The following CAB39L variants were observed in gnomAD, a reference collection of about 807,000 sequenced individuals.
CAB39L encodes the protein calcium binding protein 39 like, also known as calcium-binding protein 39-like.
A neutral mutation model predicts 39.1 loss-of-function variants in CAB39L; 23 were observed. That is an observed-to-expected ratio of 0.59 (90% confidence interval 0.42 to 0.83). The LOEUF (loss-of-function observed/expected upper bound fraction) is 0.83. Ranked by LOEUF, CAB39L falls within the 40% of genes least tolerant of loss-of-function variation. The pLI, the probability that CAB39L is intolerant of heterozygous loss-of-function variation, is 0.00. For synonymous variants in CAB39L, 126 were observed against 137.2 expected (o/e 0.92, Z 0.57); for missense variants, 366 against 391.9 (o/e 0.93, Z 0.56).
chr13:49,387,735 G>A lies in CAB39L; in HGVS notation c.-31-4794C>T, dbSNP rs542513708. Among the ~76,000 whole-genome samples the A allele has an allele frequency of 4.6e-5, 7 of 152,188 alleles. No homozygotes were observed. The South Asian group carries it at 1.5e-3, about 32-fold the overall frequency. Reference sequence around the variant, plus strand: ...AACAGATATAAATTTAAGAAAAGAAGAAAAGGAGACAAAAAGCTCTTTTAG... The same window carrying A: ...AACAGATATAAATTTAAGAAAAGAAAAAAAGGAGACAAAAAGCTCTTTTAG... On this transcript the variant is annotated intron_variant, in intron 3 of 10. Coordinates refer to ENST00000409308, the MANE Select transcript of CAB39L (RefSeq NM_001079670.3).
At chr13:49,344,051 G>C in intron 8 of CAB39L, 128 bp downstream of exon 8, 1 of 670,172 alleles carries the variant, frequency 1.5e-6, no homozygotes, top group Non-Finnish European at 2.7e-6. Context: ...TTTCCAGGTA[G>C]ACAAATCAGG....
intron 5 of CAB39L, among the ~76,000 whole-genome samples, chr13:49,361,133 T>C (rs781234498): frequency 5.3e-5 from 8 of 152,092 alleles, no homozygotes; most frequent in African/African-American, 1.9e-4. Flanking sequence ...AATATGACCA[T>C]GCCATCTCTC....
intron 8 of CAB39L, among the ~76,000 whole-genome samples, chr13:49,341,254 C>CCTTTTCT (rs1954995810): frequency 6.6e-6 from 1 of 151,416 alleles, no homozygotes. Flanking sequence ...TTTTCTTTTT[C>CCTTTTCT]TTTTTCTTTT....
At chr13:49,412,705 G>A (rs1167449442) in intron 3 of CAB39L, among the ~76,000 whole-genome samples, 1 of 152,154 alleles carries the variant, frequency 6.6e-6, no homozygotes, top group African/African-American at 2.4e-5. Context: ...CCACGGACCT[G>A]GAGGTTGGGA....
At chr13:49,427,039 A>G (rs1957255376) in intron 3 of CAB39L, among the ~76,000 whole-genome samples, 1 of 152,122 alleles carries the variant, frequency 6.6e-6, no homozygotes, top group Admixed American at 6.5e-5. Flanking sequence ...TCCTTTCTTT[A>G]GCATACTTGC....
chr13:49,388,106 T>C (rs532549328), intron 3 of CAB39L, among the ~76,000 whole-genome samples: 20 of 152,176 alleles, frequency 1.3e-4, no homozygotes, highest in African/African-American at 4.8e-4. Flanking sequence ...GAAGAAAAGA[T>C]ATAGAGTGTG....
chr13:49,348,066 G>A (rs1276403990), intron 7 of CAB39L, among the ~76,000 whole-genome samples: 1 of 152,086 alleles, frequency 6.6e-6, no homozygotes, highest in African/African-American at 2.4e-5. Flanking sequence ...GAGACCATAG[G>A]ACGCTGGCAG....
intron 5 of CAB39L, among the ~76,000 whole-genome samples, chr13:49,363,190 A>G (rs887802758): frequency 1.6e-4 from 25 of 152,218 alleles, no homozygotes; most frequent in South Asian, 2.1e-4. Context: ...CACATAGAAA[A>G]ACACAGAATA....
At chr13:49,421,813 G>A (rs951869481) in intron 3 of CAB39L, among the ~76,000 whole-genome samples, 5 of 152,104 alleles carry the variant, frequency 3.3e-5, no homozygotes, top group African/African-American at 1.2e-4. Context: ...CCCCTCTGGT[G>A]GTAATGAGGC....
At chr13:49,435,406 C>T (rs969693857) in intron 1 of CAB39L, among the ~76,000 whole-genome samples, 1 of 152,202 alleles carries the variant, frequency 6.6e-6, no homozygotes. Flanking sequence ...CCTATTTCCC[C>T]ACAGTCTACA....
intron 3 of CAB39L, among the ~76,000 whole-genome samples, chr13:49,385,427 G>C (rs1956336468): frequency 6.6e-6 from 1 of 152,140 alleles, no homozygotes; most frequent in Non-Finnish European, 1.5e-5. Flanking sequence ...ACAATTAGCT[G>C]TTTTGTTTTC....
intron 3 of CAB39L, among the ~76,000 whole-genome samples, chr13:49,411,558 A>T (rs1321462219): frequency 1.3e-5 from 2 of 152,016 alleles, no homozygotes; most frequent in African/African-American, 2.4e-5. Flanking sequence ...CACCAAGATA[A>T]TTTTTTAAAT....
intron 1 of CAB39L, among the ~76,000 whole-genome samples, chr13:49,440,635 G>A (rs760742694): frequency 2.0e-5 from 3 of 151,666 alleles, no homozygotes; most frequent in Non-Finnish European, 4.4e-5. Context: ...ATTTGTTTGT[G>A]TCATCAATGA....
intron 3 of CAB39L, among the ~76,000 whole-genome samples, chr13:49,418,644 C>T (rs1957122293): frequency 6.6e-6 from 1 of 152,216 alleles, no homozygotes; most frequent in African/African-American, 2.4e-5. Context: ...TCTCAACTCA[C>T]TGCAACCTTC....
intron 3 of CAB39L, among the ~76,000 whole-genome samples, chr13:49,409,169 C>T (rs1043745022): frequency 3.3e-5 from 5 of 152,100 alleles, no homozygotes; most frequent in Non-Finnish European, 7.4e-5. Flanking sequence ...TACAGCAAAG[C>T]ATGAGGCAGG....
intron 8 of CAB39L, among the ~76,000 whole-genome samples, chr13:49,341,961 T>C (rs768346827): frequency 1.1e-4 from 16 of 152,238 alleles, no homozygotes; most frequent in Non-Finnish European, 1.8e-4. Context: ...CATGAGGACA[T>C]AAAAATCACT....
intron 3 of CAB39L, among the ~76,000 whole-genome samples, chr13:49,417,283 T>G (rs1477392411): frequency 6.6e-6 from 1 of 152,242 alleles, no homozygotes; most frequent in Admixed American, 6.5e-5. Flanking sequence ...AGGAGAGTTG[T>G]GTAATCAACG....
intron 4 of CAB39L, among the ~76,000 whole-genome samples, chr13:49,377,441 T>C (rs1956104825): frequency 1.1e-5 from 1 of 95,080 alleles, no homozygotes; most frequent in South Asian, 3.5e-4. Flanking sequence ...ACGGTCTCCC[T>C]CTCATGCGGA....
At chr13:49,388,109 A>G (rs1247100438) in intron 3 of CAB39L, among the ~76,000 whole-genome samples, 1 of 152,182 alleles carries the variant, frequency 6.6e-6, no homozygotes, top group Non-Finnish European at 1.5e-5. Context: ...GAAAAGATAT[A>G]GAGTGTGTAT....
Sources: gnomAD v4.1 joint callset for allele counts (sites outside exome capture counted in the v4.1 genomes callset) on GRCh38, gnomAD v4.1.1 for gene constraint, MANE v1.5 for transcripts, NCBI Gene and HGNC (gene_info 2026-07-23, HGNC 2026-07-21) for gene names.